Variants in GRIK2 observed in about 807,000 individuals in gnomAD.
GRIK2 encodes the protein glutamate receptor ionotropic, kainate 2.
GRIK2 carries 32 observed loss-of-function variants against 100.3 expected under a neutral mutation model. The observed-to-expected ratio is 0.32, with a 90% CI of 0.24 to 0.43. The LOEUF (loss-of-function observed/expected upper bound fraction) is 0.43. Among genes scored for constraint, GRIK2 ranks in the 20% least tolerant of loss-of-function variants. GRIK2 has a pLI of 1.00. For synonymous variants in GRIK2, 417 were observed against 389.4 expected, an observed-to-expected ratio of 1.07 and a Z score of -0.83; for missense variants, 843 against 1,114.9, an observed-to-expected ratio of 0.76 and a Z score of 3.47.
At chr6:102,004,279 G>A (rs1582703696) in intron 14 of GRIK2, among the ~76,000 whole-genome samples, 1 of 129,020 alleles carries the variant, frequency 7.8e-6, no homozygotes, top group Admixed American at 7.7e-5. Flanking sequence ...TTTTTTTCCT[G>A]TAAGTTCATT....
At chr6:101,665,095 G>A (rs1168695997) in intron 4 of GRIK2, among the ~76,000 whole-genome samples, 2 of 152,120 alleles carry the variant, frequency 1.3e-5, no homozygotes, top group Non-Finnish European at 2.9e-5. Flanking sequence ...TGGAATCACA[G>A]ATACACTCCA....
chr6:101,862,557 T>TG (rs772531517), intron 11 of GRIK2, among the ~76,000 whole-genome samples: 28 of 152,028 alleles, frequency 1.8e-4, no homozygotes, highest in Non-Finnish European at 3.8e-4. Context: ...GCCTTGTGGG[T>TG]AGACATGCTA....
chr6:101,405,557 A>G (rs1051943444), intron 2 of GRIK2, among the ~76,000 whole-genome samples: 5 of 152,198 alleles, frequency 3.3e-5, no homozygotes, highest in Non-Finnish European at 5.9e-5. Context: ...CAATAAAGGA[A>G]TATTCTTTCT....
chr6:101,842,450 T>A (rs1460797725), intron 10 of GRIK2, among the ~76,000 whole-genome samples: 1 of 152,186 alleles, frequency 6.6e-6, no homozygotes, highest in Admixed American at 6.5e-5. Flanking sequence ...CTTTTTTCTA[T>A]AAAATGTTAT....
At chr6:102,005,903 C>T (rs1030745182) in intron 14 of GRIK2, among the ~76,000 whole-genome samples, 13 of 152,062 alleles carry the variant, frequency 8.5e-5, no homozygotes, top group African/African-American at 3.1e-4. Flanking sequence ...CTTTGGCCAC[C>T]TTCTCTGTGG....
chr6:101,411,795 C>A (rs1248321842), intron 2 of GRIK2, among the ~76,000 whole-genome samples: 1 of 152,016 alleles, frequency 6.6e-6, no homozygotes, highest in Non-Finnish European at 1.5e-5. Context: ...ATATTTATAT[C>A]CACACAACCA....
intron 14 of GRIK2, among the ~76,000 whole-genome samples, chr6:101,988,384 T>C (rs955846625): frequency 6.6e-6 from 1 of 151,878 alleles, no homozygotes; most frequent in Non-Finnish European, 1.5e-5. Flanking sequence ...ACAAGATATA[T>C]AGCATTGTAA....
intron 14 of GRIK2, among the ~76,000 whole-genome samples, chr6:101,996,294 G>A (rs1582688172): frequency 6.6e-6 from 1 of 151,988 alleles, no homozygotes; most frequent in Admixed American, 6.6e-5. Flanking sequence ...ATCAAAAGAG[G>A]CCATTATAGT....
At chr6:101,759,858 T>A (rs28604592) in intron 7 of GRIK2, among the ~76,000 whole-genome samples, 2 of 129,146 alleles carry the variant, frequency 1.5e-5, no homozygotes, top group Non-Finnish European at 3.0e-5. Context: ...TTATTTTTTT[T>A]ATTTTTTTAT....
intron 2 of GRIK2, among the ~76,000 whole-genome samples, chr6:101,489,700 C>A (rs1220803246): frequency 2.7e-5 from 4 of 145,842 alleles, no homozygotes; most frequent in African/African-American, 7.9e-5. Flanking sequence ...CTCTCATTTT[C>A]TAAGTATGTG....
chr6:101,410,743 A>G (rs1236007451), intron 2 of GRIK2, among the ~76,000 whole-genome samples: 1 of 152,152 alleles, frequency 6.6e-6, no homozygotes, highest in Non-Finnish European at 1.5e-5. Context: ...GCGACATGCA[A>G]TTTACCTGTA....
intron 2 of GRIK2, among the ~76,000 whole-genome samples, chr6:101,552,804 A>C (rs1776570967): frequency 6.6e-6 from 1 of 152,186 alleles, no homozygotes; most frequent in African/African-American, 2.4e-5. Flanking sequence ...CTAATGAAAA[A>C]GTCTCTTCTG....
chr6:101,765,484 A>AT (rs11418614), intron 7 of GRIK2, among the ~76,000 whole-genome samples: 9,043 of 151,230 alleles, frequency 0.06, 712 homozygotes, highest in African/African-American at 0.18. Flanking sequence ...TGGACACATC[A>AT]TTTTTTTTTC....
At chr6:101,558,303 C>T in intron 2 of GRIK2, among the ~76,000 whole-genome samples, 1 of 152,084 alleles carries the variant, frequency 6.6e-6, no homozygotes, top group Non-Finnish European at 1.5e-5. Flanking sequence ...CATATGCCAA[C>T]CTGGAGTTTC....
chr6:101,577,429 TTAGAG>T (rs1446697708), intron 2 of GRIK2, among the ~76,000 whole-genome samples: 1 of 152,046 alleles, frequency 6.6e-6, no homozygotes, highest in Non-Finnish European at 1.5e-5. Flanking sequence ...AAAAAAATAT[TTAGAG>T]TAATTTTTGT....
At chr6:101,507,451 CA>C (rs1774082520) in intron 2 of GRIK2, among the ~76,000 whole-genome samples, 1 of 151,954 alleles carries the variant, frequency 6.6e-6, no homozygotes, top group African/African-American at 2.4e-5. Flanking sequence ...TACAGGGATT[CA>C]GGCTACGTTT....
At chr6:101,974,533 G>A (rs1793250852) in intron 14 of GRIK2, among the ~76,000 whole-genome samples, 1 of 151,966 alleles carries the variant, frequency 6.6e-6, no homozygotes, top group African/African-American at 2.4e-5. Flanking sequence ...TAGGGACTTC[G>A]GAAAGTCTCA....
intron 14 of GRIK2, among the ~76,000 whole-genome samples, chr6:102,014,862 T>C (rs545815742): frequency 6.6e-6 from 1 of 152,266 alleles, no homozygotes; most frequent in East Asian, 1.9e-4. Context: ...GATTATGTAG[T>C]TGATTTTAGA....
chr6:101,775,840 G>C (rs905358584), intron 7 of GRIK2, among the ~76,000 whole-genome samples: 1 of 151,782 alleles, frequency 6.6e-6, no homozygotes, highest in Non-Finnish European at 1.5e-5. Flanking sequence ...GAGAGAGAGA[G>C]AGAGATGTGG....
Sources: gnomAD v4.1 joint callset for allele counts (sites outside exome capture counted in the v4.1 genomes callset) on GRCh38, gnomAD v4.1.1 for gene constraint, MANE v1.5 for transcripts, NCBI Gene and HGNC (gene_info 2026-07-23, HGNC 2026-07-21) for gene names.